CHCHD6: variants seen among roughly 807,000 people sequenced by gnomAD.
CHCHD6 encodes the protein MICOS complex subunit MIC25.
A neutral mutation model predicts 32.3 loss-of-function variants in CHCHD6; 28 were observed. The ratio of observed to expected loss-of-function variants is 0.87; its 90% CI spans 0.64 to 1.19. The LOEUF is 1.19. Ranked by LOEUF, CHCHD6 falls within the 50% of genes most tolerant of loss-of-function variation. The pLI is 0.00. For missense variants in CHCHD6, 333 were observed against 307.0 expected, an observed-to-expected ratio of 1.08 and a Z score of -0.63; for synonymous variants, 122 against 117.5, an observed-to-expected ratio of 1.04 and a Z score of -0.25.
intron 2 of CHCHD6, among the ~76,000 whole-genome samples, chr3:126,728,614 G>A (rs1308944581): frequency 1.3e-5 from 2 of 152,218 alleles, no homozygotes; most frequent in Non-Finnish European, 2.9e-5. Context: ...GATGAGAAGG[G>A]CTTAAGAGGA....
At chr3:126,880,504 A>G (rs2077594121) in intron 5 of CHCHD6, among the ~76,000 whole-genome samples, 1 of 152,146 alleles carries the variant, frequency 6.6e-6, no homozygotes, top group Non-Finnish European at 1.5e-5. Flanking sequence ...ACACCCAAGC[A>G]CCTTACTCTG....
chr3:126,870,263 T>C (rs1292441255), intron 5 of CHCHD6, among the ~76,000 whole-genome samples: 2 of 152,230 alleles, frequency 1.3e-5, no homozygotes, highest in African/African-American at 2.4e-5. Flanking sequence ...CACTCATACC[T>C]GTTCTTTATG....
At chr3:126,876,420 TTGTG>T (rs1478619860) in intron 5 of CHCHD6, among the ~76,000 whole-genome samples, 1 of 152,244 alleles carries the variant, frequency 6.6e-6, no homozygotes, top group Admixed American at 6.5e-5. Flanking sequence ...TACTTGGGAA[TTGTG>T]TGTGAGTTAA....
At chr3:126,903,586 T>C (rs763033821) in intron 5 of CHCHD6, among the ~76,000 whole-genome samples, 1 of 152,252 alleles carries the variant, frequency 6.6e-6, no homozygotes, top group African/African-American at 2.4e-5. Flanking sequence ...ACTCTTTAGA[T>C]AGTCATTTAG....
chr3:126,716,258 C>T (rs908265338), intron 1 of CHCHD6, among the ~76,000 whole-genome samples: 3 of 152,220 alleles, frequency 2.0e-5, no homozygotes, highest in Non-Finnish European at 2.9e-5. Context: ...CAGACTGAGC[C>T]GTGGTGCTCC....
intron 5 of CHCHD6, among the ~76,000 whole-genome samples, chr3:126,868,669 G>A (rs1412721454): frequency 6.6e-6 from 1 of 152,160 alleles, no homozygotes; most frequent in Non-Finnish European, 1.5e-5. Flanking sequence ...TTGTAACCAT[G>A]CATGCCATTT....
intron 4 of CHCHD6, among the ~76,000 whole-genome samples, chr3:126,816,858 C>T (rs139977071): frequency 0.018 from 2,741 of 152,112 alleles, 30 homozygotes; most frequent in Middle Eastern, 0.051. Context: ...GCTATCCCTC[C>T]CCCCTCTTCC....
chr3:126,914,576 C>T lies in CHCHD6; in HGVS notation c.496-104C>T, dbSNP rs2303994. The T allele has an allele frequency of 5.8e-3, 4,379 of 753,124 alleles. 102 individuals carry two copies. The East Asian group carries it at 0.073, about 13-fold the overall frequency. The allele number at this position is 753,124 out of a possible 1,614,324, so 46.7% of individuals were successfully genotyped here. On this transcript the variant is annotated intron_variant, in intron 5 of 7. Transcript: ENST00000290913. ...TTAATTACCAGTCGGCTTTGATGCC[C>T]GTCAAGAAATTAGCATCTGTCAATT...
chr3:126,894,757 GGCCATACAGCTGCAGCAGGA>G (rs1449893433), intron 5 of CHCHD6, among the ~76,000 whole-genome samples: 1 of 152,188 alleles, frequency 6.6e-6, no homozygotes, highest in Non-Finnish European at 1.5e-5. Context: ...TCACAGACTG[GGCCATACAGCTGCAGCAGGA>G]GCAGCACTGC....
At position 126,732,984 on chromosome 3, in the gene CHCHD6, C is replaced by T. The variant is rs1935877881; in HGVS notation, c.267-94C>T. 5.7e-6 allele frequency: 8 copies of T among 1,400,814 alleles called. No individual in the cohort carries two copies. The East Asian group carries it at 1.8e-4, about 32-fold the overall frequency. 86.8% of individuals were successfully genotyped at this position (1,400,814 alleles called of 1,614,324 possible). The stretch of plus-strand genomic sequence containing the variant: ...GCCGCTGGCTGGTTTCAGCATTTCC[C>T]TGGTGGCTGAAGTGAGTGCGCAGAT... On this transcript the variant is annotated intron_variant, in intron 3 of 7. Transcript: ENST00000290913.
intron 6 of CHCHD6, among the ~76,000 whole-genome samples, chr3:126,937,076 G>A (rs940938937): frequency 4.6e-5 from 7 of 152,212 alleles, no homozygotes; most frequent in Non-Finnish European, 8.8e-5. Context: ...GGCAACCAGT[G>A]TTGTTCTGGC....
chr3:126,776,601 C>A (rs1937659048), intron 4 of CHCHD6, among the ~76,000 whole-genome samples: 1 of 152,176 alleles, frequency 6.6e-6, no homozygotes, highest in Non-Finnish European at 1.5e-5. Context: ...TTAGTAGTTG[C>A]TCAACAAATA....
chr3:126,826,165 G>C (rs2107539266), intron 4 of CHCHD6, among the ~76,000 whole-genome samples: 1 of 152,322 alleles, frequency 6.6e-6, no homozygotes, highest in Non-Finnish European at 1.5e-5. Context: ...TTCCAGAAGA[G>C]GATTTGGCTT....
At chr3:126,797,186 G>C (rs1938834434) in intron 4 of CHCHD6, among the ~76,000 whole-genome samples, 1 of 152,190 alleles carries the variant, frequency 6.6e-6, no homozygotes, top group African/African-American at 2.4e-5. Context: ...CGAGCAGGGA[G>C]AGAGGGTTGC....
intron 5 of CHCHD6, among the ~76,000 whole-genome samples, chr3:126,888,849 T>C (rs1015943808): frequency 1.3e-5 from 2 of 151,960 alleles, no homozygotes; most frequent in African/African-American, 4.8e-5. Context: ...ACCATGAGGG[T>C]CCCCTGGGCT....
intron 5 of CHCHD6, among the ~76,000 whole-genome samples, chr3:126,906,301 C>G (rs1023222960): frequency 6.6e-6 from 1 of 152,084 alleles, no homozygotes; most frequent in African/African-American, 2.4e-5. Flanking sequence ...GGCCTCCAGG[C>G]TGATGGCCAC....
chr3:126,759,770 C>T (rs1348412957), intron 4 of CHCHD6, among the ~76,000 whole-genome samples: 2 of 152,162 alleles, frequency 1.3e-5, no homozygotes, highest in Non-Finnish European at 2.9e-5. Flanking sequence ...GTTTATACCA[C>T]ATTTTGCTAT....
At chr3:126,946,834 C>A (rs932405153) in intron 6 of CHCHD6, among the ~76,000 whole-genome samples, 3 of 152,212 alleles carry the variant, frequency 2.0e-5, no homozygotes, top group Non-Finnish European at 2.9e-5. Context: ...AAAAAGCCTG[C>A]TCCATGTATT....
chr3:126,942,914 G>T (rs181306081), intron 6 of CHCHD6, among the ~76,000 whole-genome samples: 38 of 152,220 alleles, frequency 2.5e-4, no homozygotes, highest in African/African-American at 7.0e-4. Flanking sequence ...ATCTGTGTGT[G>T]GGGGGGAGTA....
Sources: gnomAD v4.1 joint callset for allele counts (sites outside exome capture counted in the v4.1 genomes callset) on GRCh38, gnomAD v4.1.1 for gene constraint, MANE v1.5 for transcripts, NCBI Gene and HGNC (gene_info 2026-07-23, HGNC 2026-07-21) for gene names.